The following COL28A1 variants were observed in gnomAD, a reference collection of about 807,000 sequenced individuals.
COL28A1 encodes collagen type XXVIII alpha 1 chain, also known as collagen alpha-1(XXVIII) chain.
Under a neutral mutation model 150.2 loss-of-function variants are expected in COL28A1, and 161 were observed. That is an observed-to-expected ratio of 1.07 (90% confidence interval 0.94 to 1.22). The LOEUF is 1.22. Ranked by LOEUF, COL28A1 falls within the 50% of genes most tolerant of loss-of-function variation. COL28A1 has a pLI of 0.00. For synonymous variants in COL28A1, 552 were observed against 469.7 expected (o/e 1.18, Z -2.26); for missense variants, 1,617 against 1,388.3 (o/e 1.16, Z -2.62).
intron 26 of COL28A1, among the ~76,000 whole-genome samples, chr7:7,419,098 G>A (rs1784261424): frequency 1.3e-5 from 2 of 152,080 alleles, no homozygotes; most frequent in South Asian, 2.1e-4. Context: ...TTTCCCTATT[G>A]AACATGCTTG....
chr7:7,442,363 C>T (rs374719615), intron 20 of COL28A1, among the ~76,000 whole-genome samples: 3 of 152,260 alleles, frequency 2.0e-5, no homozygotes, highest in South Asian at 2.1e-4. Flanking sequence ...ATTGTTCATT[C>T]TCACGGCTTC....
chr7:7,522,496 G>GC (rs1781779850), intron 4 of COL28A1, among the ~76,000 whole-genome samples: 1 of 152,142 alleles, frequency 6.6e-6, no homozygotes, highest in Non-Finnish European at 1.5e-5. Context: ...ATCAGAATGA[G>GC]TCTTATAACA....
intron 8 of COL28A1, among the ~76,000 whole-genome samples, chr7:7,515,559 G>A (rs754920270): frequency 2.0e-5 from 3 of 152,134 alleles, no homozygotes; most frequent in Non-Finnish European, 4.4e-5. Flanking sequence ...ATAAATTGGG[G>A]TTCTCTATTA....
intron 13 of COL28A1, among the ~76,000 whole-genome samples, chr7:7,488,832 G>T (rs1217483713): frequency 6.6e-6 from 1 of 152,120 alleles, no homozygotes; most frequent in African/African-American, 2.4e-5. Context: ...TAACACATGA[G>T]AACTCTTTTC....
intron 33 of COL28A1, among the ~76,000 whole-genome samples, chr7:7,363,514 C>G (rs922283543): frequency 6.6e-6 from 1 of 151,922 alleles, no homozygotes; most frequent in Non-Finnish European, 1.5e-5. Context: ...TTTATAATTT[C>G]CTTACCACAA....
intron 22 of COL28A1, among the ~76,000 whole-genome samples, chr7:7,436,922 C>A (rs907483901): frequency 1.3e-5 from 2 of 152,122 alleles, no homozygotes; most frequent in African/African-American, 4.8e-5. Flanking sequence ...TCTGTAATCC[C>A]AGCTATTTGG....
In COL28A1 at chr7:7,511,128, C is replaced by G. The variant is rs76334274; in HGVS notation, c.890G>C (p.Arg297Pro). The change falls in exon 9 of 35, where the codon CGT becomes CCT. Residue 297 changes from arginine (R) to proline (P), a missense_variant. Transcript: ENST00000399429. ...TATCCCTGGTTTACCACATTCCCCA[C>G]GTTCACCCTAAAAAATAAATAAGTG... ...IPGYKGDKGERGECGKPGIKG... is the reference protein window; with the variant it reads ...IPGYKGDKGEPGECGKPGIKG... The G allele has an allele frequency of 2.8e-4, 444 of 1,611,664 alleles. No homozygotes were observed. The highest frequency in any genetic ancestry group is 3.4e-4 in the Non-Finnish European group (405 of 1,177,938).
intron 27 of COL28A1, among the ~76,000 whole-genome samples, chr7:7,385,508 C>A (rs1288760883): frequency 6.6e-6 from 1 of 152,184 alleles, no homozygotes; most frequent in Non-Finnish European, 1.5e-5. Flanking sequence ...GAATGCCATA[C>A]CTTTCTGACA....
intron 19 of COL28A1, among the ~76,000 whole-genome samples, chr7:7,444,036 A>G (rs1292713605): frequency 7.6e-6 from 1 of 130,860 alleles, no homozygotes; most frequent in Non-Finnish European, 1.6e-5. Context: ...TGAGTATTTC[A>G]AATGTCAACA....
At chr7:7,411,916 G>T (rs1783810592) in intron 27 of COL28A1, among the ~76,000 whole-genome samples, 1 of 152,114 alleles carries the variant, frequency 6.6e-6, no homozygotes, top group South Asian at 2.1e-4. Flanking sequence ...AGTTGCCATG[G>T]AGACCACCAT....
chr7:7,532,519 A>T (rs1379033143), intron 2 of COL28A1, among the ~76,000 whole-genome samples: 1 of 152,052 alleles, frequency 6.6e-6, no homozygotes, highest in Non-Finnish European at 1.5e-5. Flanking sequence ...TGCCTATTTT[A>T]CAAGGTTACT....
intron 11 of COL28A1, among the ~76,000 whole-genome samples, chr7:7,498,926 A>T (rs62453193): frequency 0.18 from 27,003 of 152,096 alleles, 2,999 homozygotes; most frequent in East Asian, 0.41. Flanking sequence ...ACACACACAC[A>T]CAGAGTATAT....
chr7:7,354,926 G>A (rs961477555), downstream of COL28A1, among the ~76,000 whole-genome samples: 6 of 152,196 alleles, frequency 3.9e-5, no homozygotes, highest in Admixed American at 3.3e-4. Flanking sequence ...GCACGAAGAT[G>A]GTTATCTAGT....
chr7:7,533,889 C>T (rs947775151), intron 1 of COL28A1, among the ~76,000 whole-genome samples: 3 of 152,140 alleles, frequency 2.0e-5, no homozygotes, highest in Non-Finnish European at 4.4e-5. Flanking sequence ...AAATGCTTGC[C>T]TGCTGAAACT....
rs368993520 is a variant in COL28A1 at position 7,360,480 on chromosome 7, T to G, written c.3115A>C (p.Thr1039Pro). Reference sequence around the variant, plus strand: ...GTGGCAGGCAGATCATCAGCCCACGTTGGCTCTGGAGCCTTATCATCTTCA... The same window carrying G: ...GTGGCAGGCAGATCATCAGCCCACGGTGGCTCTGGAGCCTTATCATCTTCA... ...QDEDDKAPEP[T>P]WADDLPATTS... The change falls in exon 34 of 35, where the codon ACG (threonine) becomes CCG (proline). Residue 1039 changes from threonine to proline, a missense_variant. Physicochemically the swap from Thr to Pro is conservative, Grantham distance 38 (BLOSUM62 -1). Transcript: ENST00000399429. The G allele has an allele frequency of 1.2e-6, 2 of 1,609,984 alleles. No homozygotes were observed. The highest frequency in any genetic ancestry group is 2.7e-5 in the African/African-American group (2 of 74,690).
chr7:7,518,961 C>T (rs934973000), intron 6 of COL28A1, among the ~76,000 whole-genome samples: 1 of 152,138 alleles, frequency 6.6e-6, no homozygotes, highest in Admixed American at 6.6e-5. Flanking sequence ...GAAATTAACT[C>T]AGTGTACTGT....
intron 11 of COL28A1, among the ~76,000 whole-genome samples, chr7:7,498,622 T>C (rs1347164630): frequency 6.6e-6 from 1 of 152,240 alleles, no homozygotes; most frequent in Non-Finnish European, 1.5e-5. Flanking sequence ...ATAAATATTA[T>C]GTTATTATAT....
chr7:7,398,981 A>C (rs1022343512), intron 27 of COL28A1, among the ~76,000 whole-genome samples: 4 of 152,110 alleles, frequency 2.6e-5, no homozygotes, highest in Non-Finnish European at 5.9e-5. Flanking sequence ...TATCCTTAGC[A>C]ATCTTGTCCA....
At chr7:7,429,157 C>T (rs56154637) in intron 25 of COL28A1, among the ~76,000 whole-genome samples, 2,954 of 152,202 alleles carry the variant, frequency 0.019, 84 homozygotes, top group African/African-American at 0.067. Flanking sequence ...AATTTTAAGG[C>T]GACTACACAA....
Sources: gnomAD v4.1 joint callset for allele counts (sites outside exome capture counted in the v4.1 genomes callset) on GRCh38, gnomAD v4.1.1 for gene constraint, MANE v1.5 for transcripts, NCBI Gene and HGNC (gene_info 2026-07-23, HGNC 2026-07-21) for gene names.